Variants in VPS33B observed in about 807,000 individuals in gnomAD.
The protein encoded by VPS33B is vacuolar protein sorting-associated protein 33B.
A neutral mutation model predicts 95.3 loss-of-function variants in VPS33B; 80 were observed. That is an observed-to-expected ratio of 0.84 (90% CI 0.70 to 1.01). The LOEUF is 1.01. Among genes scored for constraint, VPS33B ranks in the 50% least tolerant of loss-of-function variants. The pLI, the probability that VPS33B is intolerant of heterozygous loss-of-function variation, is 0.00. For synonymous variants in VPS33B, 280 were observed against 280.4 expected, an observed-to-expected ratio of 1.00 and a Z score of 0.01; for missense variants, 715 against 773.4, an observed-to-expected ratio of 0.92 and a Z score of 0.90.
Position 90,999,021 on chromosome 15 carries a change from G to T in VPS33B, c.1808C>A (p.Thr603Lys). Reference protein sequence around the residue: ...YRFIFLTTAVTNSARLMEAMS... With the variant: ...YRFIFLTTAVKNSARLMEAMS... ...GGCCTCCATAAGGCGAGCGCTGTTT[G>T]TGACTGCTGTCGTCAGGAAAATGAA... The change falls in exon 23 of 23, where the codon ACA becomes AAA. Residue 603 changes from threonine to lysine, a missense_variant. Thr to Lys is a moderately conservative substitution (Grantham distance 78). Coordinates refer to ENST00000333371, the MANE Select transcript of VPS33B (RefSeq NM_018668.5). The surrounding 1 kb of genome is among the most constrained non-coding windows in gnomAD (Gnocchi z 5.1). 1 of 1,614,194 alleles carries T rather than the reference G, an allele frequency of 6.2e-7. No homozygotes were observed. Among genetic ancestry groups the T allele is most frequent in the Non-Finnish European group, 8.5e-7 (1 of 1,180,030 alleles).
intron 3 of VPS33B, among the ~76,000 whole-genome samples, chr15:91,016,299 C>G (rs2040921035): frequency 6.6e-6 from 1 of 151,676 alleles, no homozygotes; most frequent in Admixed American, 6.6e-5. Context: ...GGAGGCCACG[C>G]TGCAGACAGC....
intron 6 of VPS33B, among the ~76,000 whole-genome samples, chr15:91,008,377 G>T (rs1026700401): frequency 6.6e-6 from 1 of 152,198 alleles, no homozygotes. Flanking sequence ...CAATTCTCCT[G>T]CCTCAGCCTC....
chr15:91,016,080 C>T (rs993006956), intron 3 of VPS33B, among the ~76,000 whole-genome samples: 1 of 152,112 alleles, frequency 6.6e-6, no homozygotes, highest in South Asian at 2.1e-4. Flanking sequence ...TCACTCTAGA[C>T]TGGAAGGGCA....
Position 91,014,585 on chromosome 15 carries a change from C to T in VPS33B, c.240-152G>A, listed in dbSNP as rs2040872230. On this transcript the variant is annotated intron_variant, in intron 3 of 22. Coordinates refer to ENST00000333371, the MANE Select transcript of VPS33B (RefSeq NM_018668.5). ...TGCTATTCTCTTGGTCCACCATATA[C>T]CAACCACAGAAGATACCTCTCAACA... The T allele has an allele frequency of 6.0e-6, 5 of 835,252 alleles. No individual in the cohort carries two copies. The South Asian group carries it at 7.0e-5, about 12-fold the overall frequency. The allele number at this position is 835,252 out of a possible 1,614,324, so 51.7% of individuals were successfully genotyped here.
In VPS33B at chr15:91,005,234, C is replaced by A. The variant is rs1043900893; in HGVS notation, c.1106-115G>T. The A allele has an allele frequency of 5.6e-6, 9 of 1,611,322 alleles. No individual in the cohort carries two copies. In the Admixed American group the frequency reaches 8.3e-5, roughly 15 times the overall value. ...TCCATCCTTGGGGTGGGTTAAGGGA[C>A]CCCCAGGACTTCTAGCAGGAACCAG... On this transcript the variant is annotated intron_variant, in intron 14 of 22. Transcript: ENST00000333371. The surrounding 1 kb of genome is among the most constrained non-coding windows in gnomAD (Gnocchi z 6.4).
Position 91,000,637 on chromosome 15 carries a change from C to G in VPS33B, c.1480-46G>C, listed in dbSNP as rs202088691. The G allele has an allele frequency of 3.1e-5, 48 of 1,565,258 alleles. No individual in the cohort carries two copies. Among genetic ancestry groups the G allele is most frequent in the East Asian group, 9.1e-5 (4 of 44,062 alleles). Reference sequence around the variant, plus strand: ...ATTAGGCAAGTGACAGCTCAGCTCCCTAACCCTTTAAAGGGTCAGATAAAG... The same window carrying G: ...ATTAGGCAAGTGACAGCTCAGCTCCGTAACCCTTTAAAGGGTCAGATAAAG... On this transcript the variant is annotated intron_variant, in intron 19 of 22. Coordinates refer to ENST00000333371, the MANE Select transcript of VPS33B (RefSeq NM_018668.5). The surrounding 1 kb of genome is among the most constrained non-coding windows in gnomAD (Gnocchi z 4.9).
chr15:91,005,697 G>T lies in VPS33B; in HGVS notation c.1027C>A (p.Leu343Ile). 3 of 1,614,142 alleles carry T rather than the reference G, an allele frequency of 1.9e-6. No individual in the cohort carries two copies. The highest frequency in any genetic ancestry group is 2.5e-6 in the Non-Finnish European group (3 of 1,180,022). ...GLKQEHRLLS[L>I]HIGACESIMK... ...CGCCCCTCAAGCTGAAACCTACGGA[G>T]ACTCAGCAGGCGGTGCTCCTGTTTC... Residue 343 changes from leucine (L) to isoleucine (I), a missense_variant, in exon 13 of 23, where the codon CTC (leucine) becomes ATC (isoleucine). Physicochemically the swap from Leu to Ile is conservative, Grantham distance 5. Coordinates refer to ENST00000333371, the MANE Select transcript of VPS33B (RefSeq NM_018668.5). This position sits in a 1 kb window ranked among gnomAD's most constrained non-coding sequence, Gnocchi z 6.4.
rs2040486405 is a variant in VPS33B at position 91,002,967 on chromosome 15, G to A, written c.1272+118C>T. 1.8e-6 allele frequency: 2 copies of A among 1,127,068 alleles called. No individual in the cohort carries two copies. The highest frequency in any genetic ancestry group is 2.5e-5 in the South Asian group (2 of 80,886). 69.8% of individuals were successfully genotyped at this position (1,127,068 alleles called of 1,614,324 possible). A position where few individuals can be genotyped will look rare whatever the true frequency, so the allele number is the denominator to read the frequency against. The stretch of plus-strand genomic sequence containing the variant: ...CCTAGTAGCTCTAAGAGGGAGGCCT[G>A]AATGGAAACAGGAGGGTAATGGAGG... On this transcript the variant is annotated intron_variant, in intron 17 of 22. Transcript: ENST00000333371. The surrounding 1 kb of genome is among the most constrained non-coding windows in gnomAD (Gnocchi z 4.7).
Position 91,009,609 on chromosome 15 carries a change from AGTAGTGTTCTAATTC to A in VPS33B, c.403+177_403+191del, listed in dbSNP as rs1239048932. ...GCATGAGCCACTGCGCCCAGCCCCC[AGTAGTGTTCTAATTC>A]GTGGTCCTATTCCCATTCCCATTCT... On this transcript the variant is annotated intron_variant, in intron 6 of 22. Transcript: ENST00000333371. This position sits in a 1 kb window ranked among gnomAD's most constrained non-coding sequence, Gnocchi z 4.1. 1.4e-5 allele frequency among the ~76,000 whole-genome samples: 2 copies of A among 148,070 alleles called. No individual in the cohort carries two copies. Among genetic ancestry groups the A allele is most frequent in the Non-Finnish European group, 3.0e-5 (2 of 67,148 alleles).
rs764239087 is a variant in VPS33B, at chr15:91,000,571, C to A, written c.1500G>T (p.Glu500Asp). The change falls in exon 20 of 23, where the codon GAG becomes GAT. Residue 500 changes from glutamate (E) to aspartate (D), a missense_variant. Coordinates refer to ENST00000333371, the MANE Select transcript of VPS33B (RefSeq NM_018668.5). The surrounding 1 kb of genome is among the most constrained non-coding windows in gnomAD (Gnocchi z 4.9). Reference protein sequence around the residue: ...KLNLIPRVDGEYDLKVPRDMA... With the variant: ...KLNLIPRVDGDYDLKVPRDMA... ...TGTCTCGGGGCACTTTCAGATCATACTCGCCGTCCACACGTGGGATCTGTA... is the reference window on the plus strand; with the variant it reads ...TGTCTCGGGGCACTTTCAGATCATAATCGCCGTCCACACGTGGGATCTGTA... 6.2e-7 allele frequency: 1 copy of A among 1,613,038 alleles called. No homozygotes were observed. Among genetic ancestry groups the A allele is most frequent in the East Asian group, 2.2e-5 (1 of 44,826 alleles).
rs2040761908 is a variant in VPS33B, at chr15:91,010,940, A to G, written c.358-1094T>C. On this transcript the variant is annotated intron_variant, in intron 5 of 22. Coordinates refer to ENST00000333371, the MANE Select transcript of VPS33B (RefSeq NM_018668.5). This position sits in a 1 kb window ranked among gnomAD's most constrained non-coding sequence, Gnocchi z 5.7. ...AGATGAGGAAGCAGAAGCAGTGACA[A>G]TAGAACATTCTTCACAGAAGCCTGG... is the stretch of plus-strand genomic sequence containing the variant. Among the ~76,000 whole-genome samples the G allele has an allele frequency of 1.3e-5, 2 of 152,234 alleles. No homozygotes were observed. Among genetic ancestry groups the G allele is most frequent in the African/African-American group, 2.4e-5 (1 of 41,468 alleles).
Position 91,019,864 on chromosome 15 carries a change from G to A in VPS33B, c.97-1979C>T, listed in dbSNP as rs137864954. ...TTTGTTGCCCAGGCTGGAGTGCAAT[G>A]ACGCGATCTCGGCTCACCGCAACCT... On this transcript the variant is annotated intron_variant, in intron 1 of 22. Transcript: ENST00000333371. Among the ~76,000 whole-genome samples, 576 of 151,480 alleles carry A rather than the reference G, an allele frequency of 3.8e-3. 2 individuals carry two copies. Among genetic ancestry groups the A allele is most frequent in the African/African-American group, 0.013 (549 of 41,218 alleles).
chr15:91,005,598 T>C lies in VPS33B; in HGVS notation c.1030+96A>G. Reference sequence around the variant, plus strand: ...ACCAAGTAAGACCATATGCATCAGATGAACAGGGATCTCCTCCTCGGGAGT... The same window carrying C: ...ACCAAGTAAGACCATATGCATCAGACGAACAGGGATCTCCTCCTCGGGAGT... On this transcript the variant is annotated intron_variant, in intron 13 of 22. Transcript: ENST00000333371. This position sits in a 1 kb window ranked among gnomAD's most constrained non-coding sequence, Gnocchi z 6.4. 6.3e-7 allele frequency: 1 copy of C among 1,578,258 alleles called. No homozygotes were observed. Among genetic ancestry groups the C allele is most frequent in the East Asian group, 2.2e-5 (1 of 44,674 alleles).
chr15:91,014,022 A>G (rs2040851821), intron 4 of VPS33B, 151 bp from the exon 5 acceptor site: 6 of 921,600 alleles, frequency 6.5e-6, no homozygotes, highest in Non-Finnish European at 1.0e-5. Flanking sequence ...GTTTGCGACC[A>G]GCCTGGCCAA....
chr15:91,015,651 C>T lies in VPS33B; in HGVS notation c.240-1218G>A, dbSNP rs750832564. The stretch of plus-strand genomic sequence containing the variant: ...CCAACCTGGGTGACAGAGTTAGACT[C>T]CTACTCAAAAAAATAAAATAAAATA... On this transcript the variant is annotated intron_variant, in intron 3 of 22. Coordinates refer to ENST00000333371, the MANE Select transcript of VPS33B (RefSeq NM_018668.5). This position sits in a 1 kb window ranked among gnomAD's most constrained non-coding sequence, Gnocchi z 4.7. Among the ~76,000 whole-genome samples, 1 of 151,820 alleles carries T rather than the reference C, an allele frequency of 6.6e-6. No homozygotes were observed. The highest frequency in any genetic ancestry group is 1.5e-5 in the Non-Finnish European group (1 of 67,960).
chr15:91,000,047 C>G lies in VPS33B; in HGVS notation c.1582-72G>C. ...CTTAGGAAAGGAAGGGCACAGCAGC[C>G]AGACTGTCACATTTCTTGCTCATTA... On this transcript the variant is annotated intron_variant, in intron 20 of 22. Coordinates refer to ENST00000333371, the MANE Select transcript of VPS33B (RefSeq NM_018668.5). The surrounding 1 kb of genome is among the most constrained non-coding windows in gnomAD (Gnocchi z 4.9). 1 of 1,576,302 alleles carries G rather than the reference C, an allele frequency of 6.3e-7. No homozygotes were observed. The highest frequency in any genetic ancestry group is 8.7e-7 in the Non-Finnish European group (1 of 1,152,468).
rs755882410 is a variant in VPS33B at position 90,999,013 on chromosome 15, C to T, written c.1816G>A (p.Ala606Thr). The T allele has an allele frequency of 1.1e-5, 17 of 1,614,060 alleles. No individual in the cohort carries two copies. The highest frequency in any genetic ancestry group is 5.3e-5 in the African/African-American group (4 of 74,926). The change falls in exon 23 of 23, where the codon GCT (alanine) becomes ACT (threonine). Residue 606 changes from alanine to threonine, a missense_variant. Coordinates refer to ENST00000333371, the MANE Select transcript of VPS33B (RefSeq NM_018668.5). This position sits in a 1 kb window ranked among gnomAD's most constrained non-coding sequence, Gnocchi z 5.1. Reference protein sequence around the residue: ...IFLTTAVTNSARLMEAMSEVK... With the variant: ...IFLTTAVTNSTRLMEAMSEVK... ...TCACTCATGGCCTCCATAAGGCGAG[C>T]GCTGTTTGTGACTGCTGTCGTCAGG...
intron 1 of VPS33B, 102 bp downstream of exon 1, chr15:91,022,052 C>T (rs2041118173): frequency 7.4e-7 from 1 of 1,357,512 alleles, no homozygotes; most frequent in Non-Finnish European, 1.0e-6. Context: ...AAGGACAATA[C>T]CAGGGGCCAA....
rs1472354543 is a variant in VPS33B at position 91,015,069 on chromosome 15, C to T, written c.240-636G>A. Among the ~76,000 whole-genome samples, 1 of 149,944 alleles carries T rather than the reference C, an allele frequency of 6.7e-6. No homozygotes were observed. The highest frequency in any genetic ancestry group is 6.7e-5 in the Admixed American group (1 of 15,018). On this transcript the variant is annotated intron_variant, in intron 3 of 22. Coordinates refer to ENST00000333371, the MANE Select transcript of VPS33B (RefSeq NM_018668.5). The surrounding 1 kb of genome is among the most constrained non-coding windows in gnomAD (Gnocchi z 4.7). ...TACAAACATTGGCTGGGCATGGTGG[C>T]TCACACCTGTAATCCCAGCACTTTG...
Sources: gnomAD v4.1 joint callset for allele counts (sites outside exome capture counted in the v4.1 genomes callset) on GRCh38, gnomAD v4.1.1 for gene constraint, Gnocchi (gnomAD v3.1) non-coding constraint, MANE v1.5 for transcripts, NCBI Gene and HGNC (gene_info 2026-07-23, HGNC 2026-07-21) for gene names.